SELENOF: variants seen among roughly 807,000 people sequenced by gnomAD.
SELENOF encodes selenoprotein F.
SELENOF carries 16 observed loss-of-function variants against 20.5 expected under a neutral mutation model. That is an observed-to-expected ratio of 0.78 (90% CI 0.53 to 1.19). The LOEUF (loss-of-function observed/expected upper bound fraction) is 1.19, where lower values mean the gene tolerates loss of function less well. Among genes scored for constraint, SELENOF ranks in the 50% most tolerant of loss-of-function variants. SELENOF has a pLI of 0.00. For synonymous variants in SELENOF, 78 were observed against 74.5 expected, an observed-to-expected ratio of 1.05 and a Z score of -0.24; for missense variants, 215 against 194.2, an observed-to-expected ratio of 1.11 and a Z score of -0.64.
intron 1 of SELENOF, among the ~76,000 whole-genome samples, chr1:86,903,816 G>A (rs1403102583): frequency 1.3e-5 from 2 of 152,104 alleles, no homozygotes; most frequent in South Asian, 2.1e-4. Context: ...TCCTGACCTC[G>A]TGATCCGCCC....
intron 2 of SELENOF, among the ~76,000 whole-genome samples, chr1:86,896,503 A>C (rs1346814608): frequency 1.3e-5 from 2 of 152,244 alleles, no homozygotes; most frequent in Non-Finnish European, 2.9e-5. Context: ...GAATAGTTCA[A>C]AAATTCTAAC....
chr1:86,863,706 A>T (rs1284515920), intron 4 of SELENOF, 101 bp from the exon 5 acceptor site: 7 of 1,030,652 alleles, frequency 6.8e-6, no homozygotes, highest in Non-Finnish European at 9.4e-6. Flanking sequence ...TTTAGTAATT[A>T]AAAAAAGGCT....
chr1:86,865,130 T>C (rs1013492356), intron 4 of SELENOF, among the ~76,000 whole-genome samples: 1 of 152,164 alleles, frequency 6.6e-6, no homozygotes, highest in South Asian at 2.1e-4. Flanking sequence ...TAAGGAATTA[T>C]ATGCCACAAT....
chr1:86,894,330 TTTG>T (rs1659465798), intron 2 of SELENOF, among the ~76,000 whole-genome samples: 2 of 152,096 alleles, frequency 1.3e-5, no homozygotes, highest in African/African-American at 2.4e-5. Context: ...GATAGCTTGC[TTTG>T]TTTTTTTATG....
At chr1:86,899,658 T>C (rs1659631554) in intron 2 of SELENOF, among the ~76,000 whole-genome samples, 1 of 144,926 alleles carries the variant, frequency 6.9e-6, no homozygotes, top group Non-Finnish European at 1.5e-5. Flanking sequence ...CCCATCTCCC[T>C]CCCGGATGGG....
At chr1:86,906,354 ACAAT>A (rs2102129962) in intron 1 of SELENOF, among the ~76,000 whole-genome samples, 1 of 152,382 alleles carries the variant, frequency 6.6e-6, no homozygotes, top group African/African-American at 2.4e-5. Context: ...CAAAGACAAG[ACAAT>A]CAATATGTAT....
chr1:86,913,190 A>C (rs1660033599), intron 1 of SELENOF, among the ~76,000 whole-genome samples: 1 of 152,208 alleles, frequency 6.6e-6, no homozygotes, highest in Non-Finnish European at 1.5e-5. Context: ...AACCTTGGAT[A>C]AGTAAATTAA....
chr1:86,912,254 T>C (rs1339321714), intron 1 of SELENOF, among the ~76,000 whole-genome samples: 1 of 152,170 alleles, frequency 6.6e-6, no homozygotes, highest in Non-Finnish European at 1.5e-5. Flanking sequence ...GGAATTAAAA[T>C]CAGTAAGTTT....
At chr1:86,886,070 A>G (rs1659207589) in intron 2 of SELENOF, among the ~76,000 whole-genome samples, 1 of 152,160 alleles carries the variant, frequency 6.6e-6, no homozygotes, top group East Asian at 1.9e-4. Flanking sequence ...TGTAATGAAA[A>G]TGGCCACTCC....
intron 2 of SELENOF, among the ~76,000 whole-genome samples, chr1:86,882,366 A>G (rs184584599): frequency 6.6e-6 from 1 of 152,066 alleles, no homozygotes; most frequent in Admixed American, 6.5e-5. Flanking sequence ...CAGAAAAAAA[A>G]TCTTGAAAAA....
At chr1:86,865,954 G>A (rs1161718413) in intron 4 of SELENOF, among the ~76,000 whole-genome samples, 1 of 152,074 alleles carries the variant, frequency 6.6e-6, no homozygotes, top group Non-Finnish European at 1.5e-5. Context: ...CCGTTCTTTG[G>A]AAGGCTGAGG....
At chr1:86,897,108 C>G (rs971175339) in intron 2 of SELENOF, among the ~76,000 whole-genome samples, 1 of 152,104 alleles carries the variant, frequency 6.6e-6, no homozygotes, top group Non-Finnish European at 1.5e-5. Flanking sequence ...GAGTTTGAGA[C>G]CAGCCTGGCC....
intron 2 of SELENOF, among the ~76,000 whole-genome samples, chr1:86,895,184 C>T (rs1199794766): frequency 6.6e-6 from 1 of 152,066 alleles, no homozygotes; most frequent in Non-Finnish European, 1.5e-5. Flanking sequence ...TCGACTAATC[C>T]AGGAACTTGA....
At chr1:86,867,564 G>C (rs1249358818) in intron 4 of SELENOF, among the ~76,000 whole-genome samples, 2 of 151,950 alleles carry the variant, frequency 1.3e-5, no homozygotes, top group Non-Finnish European at 2.9e-5. Flanking sequence ...AAGAGGGAGA[G>C]AAATGACCTG....
rs540911671 is a variant in SELENOF, at chr1:86,904,973, G to A, written c.85-1525C>T. ...CTCAAGTATTTTTCTTGAATGTCAG[G>A]CTTCCAAAGCCAACAGTCCACTCAA... On this transcript the variant is annotated intron_variant, in intron 1 of 4. Transcript: ENST00000331835. 2.0e-5 allele frequency among the ~76,000 whole-genome samples: 3 copies of A among 152,218 alleles called. No individual in the cohort carries two copies. In the South Asian group the frequency reaches 6.2e-4, roughly 32 times the overall value.
intron 2 of SELENOF, among the ~76,000 whole-genome samples, chr1:86,890,857 A>G (rs977242181): frequency 1.3e-5 from 2 of 152,030 alleles, no homozygotes; most frequent in African/African-American, 4.8e-5. Flanking sequence ...TCACTTCCAT[A>G]AAGATTAATA....
intron 1 of SELENOF, among the ~76,000 whole-genome samples, chr1:86,908,362 T>C (rs1213531466): frequency 1.3e-5 from 2 of 152,266 alleles, no homozygotes; most frequent in African/African-American, 2.4e-5. Flanking sequence ...AGCAGATATT[T>C]TGTTAAGTAC....
upstream of SELENOF, chr1:86,914,339 T>C: frequency 1.7e-6 from 1 of 574,046 alleles, no homozygotes; most frequent in Non-Finnish European, 3.1e-6. Flanking sequence ...TCTTTACTTC[T>C]GCGGTCTCCT....
intron 2 of SELENOF, among the ~76,000 whole-genome samples, chr1:86,901,550 T>C (rs1368945722): frequency 6.6e-6 from 1 of 152,186 alleles, no homozygotes; most frequent in African/African-American, 2.4e-5. Flanking sequence ...AAAAGATGCA[T>C]TAAGACAGGT....
Sources: allele counts gnomAD v4.1 joint callset (sites outside exome capture counted in the v4.1 genomes callset), GRCh38; gene constraint gnomAD v4.1.1; transcripts MANE v1.5; gene names NCBI Gene and HGNC (gene_info 2026-07-23, HGNC 2026-07-21).